The following DIAPH1 variants were observed in gnomAD, a reference collection of about 807,000 sequenced individuals.
DIAPH1 encodes protein diaphanous homolog 1.
DIAPH1 carries 46 observed loss-of-function variants against 140.7 expected under a neutral mutation model. The ratio of observed to expected loss-of-function variants is 0.33; its 90% CI spans 0.26 to 0.42. DIAPH1 has a LOEUF of 0.42. Ranked by LOEUF, DIAPH1 falls within the 10% of genes least tolerant of loss-of-function variation. The pLI, the probability that DIAPH1 is intolerant of heterozygous loss-of-function variation, is 1.00. For missense variants in DIAPH1, 1,310 were observed against 1,558.7 expected, an observed-to-expected ratio of 0.84 and a Z score of 2.69; for synonymous variants, 565 against 551.6, an observed-to-expected ratio of 1.02 and a Z score of -0.34.
At chr5:141,574,324 G>C (rs1156408029) in intron 15 of DIAPH1, 116 bp from the exon 16 acceptor site, 2 of 1,049,518 alleles carry the variant, frequency 1.9e-6, no homozygotes, top group African/African-American at 3.1e-5. Context: ...TGGAGGAACT[G>C]AGAGGAGTCA....
chr5:141,576,906 A>T, intron 12 of DIAPH1, 35 bp from the exon 13 acceptor site: 1 of 1,267,032 alleles, frequency 7.9e-7, no homozygotes, highest in Non-Finnish European at 1.2e-6. Context: ...ATCAAAGGAA[A>T]ATCAAAATAT....
intron 16 of DIAPH1, among the ~76,000 whole-genome samples, chr5:141,572,642 A>G (rs1292114297): frequency 6.6e-6 from 1 of 152,062 alleles, no homozygotes; most frequent in Non-Finnish European, 1.5e-5. Context: ...TCTACTAAAA[A>G]TACAAAAATT....
At chr5:141,552,649 T>A (rs886618623) in intron 18 of DIAPH1, among the ~76,000 whole-genome samples, 15 of 152,162 alleles carry the variant, frequency 9.9e-5, no homozygotes, top group Non-Finnish European at 1.8e-4. Context: ...GTCACTAAAT[T>A]TGTGGTAATT....
chr5:141,615,318 A>C (rs2099902494), intron 1 of DIAPH1, among the ~76,000 whole-genome samples: 1 of 150,938 alleles, frequency 6.6e-6, no homozygotes, highest in Non-Finnish European at 1.5e-5. Flanking sequence ...CTGTAATCCC[A>C]GCTGCTTGGA....
Position 141,584,182 on chromosome 5 carries a change from T to G in DIAPH1, c.344A>C (p.Glu115Ala). 1 of 1,613,672 alleles carries G rather than the reference T, an allele frequency of 6.2e-7. No homozygotes were observed. The highest frequency in any genetic ancestry group is 8.5e-7 in the Non-Finnish European group (1 of 1,179,680). Residue 115 changes from glutamate (E) to alanine (A), a missense_variant, in exon 4 of 28, where the codon GAG (glutamate) becomes GCG (alanine). Glu to Ala is a moderately radical substitution (Grantham distance 107). Transcript: ENST00000389054. ...LNEEKQQPLR[E>A]KDIIIKREMV... is the part of the protein sequence containing the mutation. ...CTCCCTCTTGATGATGATGTCCTTC[T>G]CCCTCAAAGGTTGCTGTTTCTCCTC...
At chr5:141,575,185 ATCTC>A in intron 14 of DIAPH1, 39 bp from the exon 15 acceptor site, 4 of 1,607,260 alleles carry the variant, frequency 2.5e-6, no homozygotes, top group Non-Finnish European at 3.4e-6. Flanking sequence ...CAAGCTCTCC[ATCTC>A]AGTAAGAAGC....
At position 141,516,484 on chromosome 5, in the gene DIAPH1, G is replaced by C. The variant is rs148686869; in HGVS notation, c.*367C>G. 3.8e-3 allele frequency: 1,290 copies of C among 339,886 alleles called. 12 individuals are homozygous for C. The highest frequency in any genetic ancestry group is 0.01 in the Admixed American group (247 of 24,270). 21.1% of individuals were successfully genotyped at this position (339,886 alleles called of 1,614,324 possible). The stretch of plus-strand genomic sequence containing the variant: ...CACAAATCCAGCAAGACTGACCTAG[G>C]GGGGAAAGCCCATTAGAAAGTCAGG... On this transcript the variant is annotated 3_prime_UTR_variant, in exon 28 of 28. Coordinates refer to ENST00000389054, the MANE Select transcript of DIAPH1 (RefSeq NM_005219.5).
At chr5:141,609,168 C>CAAAAAAAAAAAAAAA (rs11405338) in intron 1 of DIAPH1, among the ~76,000 whole-genome samples, 1 of 84,384 alleles carries the variant, frequency 1.2e-5, no homozygotes. Context: ...TTACTAAATG[C>CAAAAAAAAAAAAAAA]AAAAAAAAAA....
intron 7 of DIAPH1, 106 bp from the exon 8 acceptor site, chr5:141,580,989 G>A (rs2099896666): frequency 1.4e-6 from 2 of 1,387,886 alleles, no homozygotes; most frequent in Non-Finnish European, 2.0e-6. Flanking sequence ...TTAAATTCCA[G>A]TGTTGAAGTC....
Position 141,574,099 on chromosome 5 carries a change from G to A in DIAPH1, c.1751C>T (p.Pro584Leu). The change falls in exon 16 of 28, where the codon CCT (proline) becomes CTT (leucine). Residue 584 changes from proline (P) to leucine (L), a missense_variant. By Grantham distance (98) the Pro-to-Leu change is moderately conservative. Coordinates refer to ENST00000389054, the MANE Select transcript of DIAPH1 (RefSeq NM_005219.5). ...AGAGTCACCAGGTAAAGGAGGGGCA[G>A]GGGGAACAGGAGCACGACTAGGAAC... ...PSVPSRAPVPPAPPLPGDSGT... is the reference protein window; with the variant it reads ...PSVPSRAPVPLAPPLPGDSGT... The A allele has an allele frequency of 6.2e-7, 1 of 1,613,848 alleles. No individual in the cohort carries two copies. The highest frequency in any genetic ancestry group is 1.3e-5 in the African/African-American group (1 of 74,996).
Position 141,574,081 on chromosome 5 carries a change from C to T in DIAPH1, c.1769G>A (p.Gly590Asp), listed in dbSNP as rs189809247. ...TGGTGGAATAATAGTGCCAGAGTCA[C>T]CAGGTAAAGGAGGGGCAGGGGGAAC... ...APVPPAPPLP[G>D]DSGTIIPPPP... The change falls in exon 16 of 28, where the codon GGT becomes GAT. Residue 590 changes from glycine (G) to aspartate (D), a missense_variant. Transcript: ENST00000389054. 1.3e-5 allele frequency: 21 copies of T among 1,612,140 alleles called. No homozygotes were observed. In the East Asian group the frequency reaches 4.2e-4, roughly 33 times the overall value.
Position 141,569,613 on chromosome 5 carries a change from T to C in DIAPH1, c.2482+1815A>G, listed in dbSNP as rs182955144. On this transcript the variant is annotated intron_variant, in intron 18 of 27. Transcript: ENST00000389054. ...CTCCATCTCTACAAAAATACAAAAA[T>C]TAGCTGGACATGATGGTGGGTGCCT... Among the ~76,000 whole-genome samples the C allele has an allele frequency of 5.6e-4, 85 of 151,896 alleles. 1 individual carries two copies. Among genetic ancestry groups the C allele is most frequent in the African/African-American group, 1.5e-3 (64 of 41,430 alleles).
chr5:141,617,235 C>T (rs1437592487), intron 1 of DIAPH1, among the ~76,000 whole-genome samples: 2 of 151,016 alleles, frequency 1.3e-5, no homozygotes, highest in African/African-American at 2.4e-5. Context: ...AAGAAACATA[C>T]AAAAATGCTG....
At chr5:141,547,491 A>G (rs965042444) in intron 18 of DIAPH1, among the ~76,000 whole-genome samples, 3 of 152,082 alleles carry the variant, frequency 2.0e-5, no homozygotes, top group Admixed American at 2.0e-4. Flanking sequence ...AAAAAATAAA[A>G]ATCTATGAAT....
intron 18 of DIAPH1, among the ~76,000 whole-genome samples, chr5:141,537,496 A>AAAAT (rs1421426838): frequency 9.4e-5 from 14 of 149,020 alleles, no homozygotes; most frequent in African/African-American, 3.4e-4. Flanking sequence ...AAAAAAAAAA[A>AAAAT]AAAAAAAAAA....
chr5:141,595,455 T>A (rs2099899160), intron 1 of DIAPH1, among the ~76,000 whole-genome samples: 1 of 152,126 alleles, frequency 6.6e-6, no homozygotes, highest in Non-Finnish European at 1.5e-5. Context: ...TGAAATGTAA[T>A]CCCCATAATC....
intron 1 of DIAPH1, among the ~76,000 whole-genome samples, chr5:141,609,179 A>C (rs944036062): frequency 1.8e-4 from 28 of 152,058 alleles, no homozygotes; most frequent in Middle Eastern, 3.4e-3. Context: ...AAAAAAAAAA[A>C]AAAAAAAACA....
At chr5:141,547,144 C>T (rs1021331320) in intron 18 of DIAPH1, among the ~76,000 whole-genome samples, 6 of 152,186 alleles carry the variant, frequency 3.9e-5, no homozygotes, top group East Asian at 1.9e-4. Flanking sequence ...TAAATGAAGA[C>T]GGAGAAGTTC....
chr5:141,596,621 GAAGT>G (rs1562341003), intron 1 of DIAPH1, among the ~76,000 whole-genome samples: 1 of 151,938 alleles, frequency 6.6e-6, no homozygotes, highest in East Asian at 1.9e-4. Flanking sequence ...CATTCATATT[GAAGT>G]AATATTTTAG....
Sources: allele counts gnomAD v4.1 joint callset (sites outside exome capture counted in the v4.1 genomes callset), GRCh38; gene constraint gnomAD v4.1.1; transcripts MANE v1.5; gene names NCBI Gene and HGNC (gene_info 2026-07-23, HGNC 2026-07-21).